Variants in SNRPN observed in about 807,000 individuals in gnomAD.
SNRPN encodes the protein small nuclear ribonucleoprotein-associated protein N.
A neutral mutation model predicts 25.2 loss-of-function variants in SNRPN; 7 were observed. That is an observed-to-expected ratio of 0.28 (90% confidence interval 0.16 to 0.52). The LOEUF (loss-of-function observed/expected upper bound fraction) is 0.52, where lower values mean the gene tolerates loss of function less well. Ranked by LOEUF, SNRPN falls within the 20% of genes least tolerant of loss-of-function variation. SNRPN has a pLI of 0.96. For synonymous variants in SNRPN, 124 were observed against 110.6 expected (o/e 1.12, Z -0.76); for missense variants, 196 against 322.5 (o/e 0.61, Z 3.00).
intron 3 of SNRPN, among the ~76,000 whole-genome samples, chr15:24,920,798 A>G (rs2059983109): frequency 6.6e-6 from 1 of 152,176 alleles, no homozygotes; most frequent in Non-Finnish European, 1.5e-5. Flanking sequence ...TATGTTTATT[A>G]TAGTTTGAGA....
At chr15:24,898,532 G>A (rs79988046) in intron 2 of SNRPN, among the ~76,000 whole-genome samples, 13,383 of 151,900 alleles carry the variant, frequency 0.088, 801 homozygotes, top group East Asian at 0.26. Context: ...AGGTTGCAAT[G>A]AGCGAAGATC....
intron 2 of SNRPN, among the ~76,000 whole-genome samples, chr15:24,841,770 G>T (rs112905514): frequency 0.022 from 3,346 of 152,106 alleles, 140 homozygotes; most frequent in African/African-American, 0.076. Flanking sequence ...CCATCTTCTG[G>T]GCTGACATTG....
rs11161143 is a variant in SNRPN, at chr15:24,835,097, G to T, written c.-579+5192G>T. On this transcript the variant is annotated intron_variant, in intron 2 of 12. Transcript: ENST00000400100. ...TATATATCTATATATAAAATATATAGATATATATACTATATATCTATATAT... is the reference window on the plus strand; with the variant it reads ...TATATATCTATATATAAAATATATATATATATATACTATATATCTATATAT... Among the ~76,000 whole-genome samples the T allele has an allele frequency of 3.2e-4, 7 of 21,900 alleles. 2 individuals are homozygous for T. Among genetic ancestry groups the T allele is most frequent in the Non-Finnish European group, 5.5e-4 (6 of 10,858 alleles). The allele number at this position is 21,900 out of a possible 152,430, so 14.4% of individuals were successfully genotyped here.
chr15:24,844,992 A>T (rs551144241), intron 2 of SNRPN, among the ~76,000 whole-genome samples: 82 of 152,284 alleles, frequency 5.4e-4, no homozygotes, highest in African/African-American at 1.6e-3. Context: ...CTAGTGCAAA[A>T]AAGGGTGAAG....
At chr15:24,963,910 T>C (rs2075238891) in intron 2 of SNRPN, among the ~76,000 whole-genome samples, 1 of 151,988 alleles carries the variant, frequency 6.6e-6, no homozygotes, top group African/African-American at 2.4e-5. Context: ...TGTCTACCTG[T>C]AGTCTCAGCT....
chr15:24,839,930 T>TA (rs1444482408), intron 2 of SNRPN, among the ~76,000 whole-genome samples: 6 of 152,350 alleles, frequency 3.9e-5, no homozygotes, highest in East Asian at 1.9e-4. Flanking sequence ...GGAGCCTGTC[T>TA]AATTTTATTG....
chr15:24,826,880 G>C, intron 1 of SNRPN, among the ~76,000 whole-genome samples: 1 of 152,126 alleles, frequency 6.6e-6, no homozygotes, highest in South Asian at 2.1e-4. Context: ...TGAGAACAAC[G>C]TAGAGAGTAC....
intron 2 of SNRPN, among the ~76,000 whole-genome samples, 196 bp from the exon 3 acceptor site, chr15:24,967,736 A>G (rs115113727): frequency 0.022 from 3,341 of 150,406 alleles, 135 homozygotes; most frequent in African/African-American, 0.078. Context: ...TGAACCCCGA[A>G]GGCAGTGTTT....
chr15:24,906,187 A>G (rs1232519856), intron 2 of SNRPN, among the ~76,000 whole-genome samples: 2 of 152,144 alleles, frequency 1.3e-5, no homozygotes, highest in African/African-American at 2.4e-5. Context: ...GTTCAGTGAC[A>G]CGATCCCAGG....
At chr15:24,976,494 G>T in intron 6 of SNRPN, 78 bp downstream of exon 6, 2 of 981,986 alleles carry the variant, frequency 2.0e-6, no homozygotes, top group South Asian at 2.8e-5. Flanking sequence ...AATCAGGGTA[G>T]AGCAGACACA....
chr15:24,972,255 C>CAAAA (rs5811371), intron 3 of SNRPN, among the ~76,000 whole-genome samples: 1 of 108,268 alleles, frequency 9.2e-6, no homozygotes, highest in East Asian at 2.5e-4. Flanking sequence ...GACTCTGTCT[C>CAAAA]AAAAAAAAAA....
chr15:24,955,909 T>C (rs1282010942), intron 1 of SNRPN, among the ~76,000 whole-genome samples: 3 of 151,668 alleles, frequency 2.0e-5, no homozygotes, highest in African/African-American at 7.3e-5. Context: ...TAAGGGACGC[T>C]GAATGATTGC....
chr15:24,932,863 G>A (rs1225273520), intron 3 of SNRPN, among the ~76,000 whole-genome samples: 1 of 151,980 alleles, frequency 6.6e-6, no homozygotes, highest in Non-Finnish European at 1.5e-5. Context: ...TGGTTAGGCT[G>A]GTCTGGAACT....
At chr15:24,879,452 A>C (rs935897797) in intron 1 of SNRPN, among the ~76,000 whole-genome samples, 14 of 152,192 alleles carry the variant, frequency 9.2e-5, no homozygotes, top group African/African-American at 3.4e-4. Flanking sequence ...AAAAAAAAGA[A>C]AGAAAGAAAT....
intron 1 of SNRPN, among the ~76,000 whole-genome samples, chr15:24,873,729 G>C (rs537775943): frequency 6.6e-6 from 1 of 152,152 alleles, no homozygotes; most frequent in African/African-American, 2.4e-5. Context: ...TTACAGACGT[G>C]AGCCACCGTG....
At chr15:24,878,948 CAG>C (rs1338797088) in intron 1 of SNRPN, among the ~76,000 whole-genome samples, 2 of 151,800 alleles carry the variant, frequency 1.3e-5, no homozygotes, top group African/African-American at 4.8e-5. Flanking sequence ...TTTCGAAACC[CAG>C]AGTTTTAGTA....
chr15:24,921,985 G>A (rs1270597104), intron 3 of SNRPN, among the ~76,000 whole-genome samples: 4 of 149,316 alleles, frequency 2.7e-5, no homozygotes, highest in Non-Finnish European at 4.4e-5. Context: ...GACCACCTGA[G>A]GTCAGGAGTT....
intron 2 of SNRPN, chr15:24,850,896 A>G (rs991264773): frequency 1.3e-5 from 2 of 152,086 alleles, no homozygotes; most frequent in African/African-American, 4.8e-5. Flanking sequence ...TTAGGAAACC[A>G]TATCTGTGAG....
In SNRPN at chr15:24,974,392, C is replaced by G. The variant is rs1160003126; in HGVS notation, c.-62C>G. 2 of 1,531,870 alleles carry G rather than the reference C, an allele frequency of 1.3e-6. No individual in the cohort carries two copies. Among genetic ancestry groups the G allele is most frequent in the African/African-American group, 2.7e-5 (2 of 73,224 alleles). 94.9% of individuals were successfully genotyped at this position (1,531,870 alleles called of 1,614,324 possible). A position where few individuals can be genotyped will look rare whatever the true frequency, so the allele number is the denominator to read the frequency against. ...CGTCATACCTTTATCTATAGCCTTC[C>G]CCTAGGTCTTCAGAAGCATCAAGTT... On this transcript the variant is annotated 5_prime_UTR_variant, in exon 4 of 10. Coordinates refer to ENST00000390687, the MANE Select transcript of SNRPN (RefSeq NM_003097.6).
Sources: allele counts gnomAD v4.1 joint callset (sites outside exome capture counted in the v4.1 genomes callset), GRCh38; gene constraint gnomAD v4.1.1; transcripts MANE v1.5; gene names NCBI Gene and HGNC (gene_info 2026-07-23, HGNC 2026-07-21).